The following WDFY4 variants were observed in gnomAD, a reference collection of about 807,000 sequenced individuals.
WDFY4 encodes WDFY family member 4.
In WDFY4, 169 loss-of-function variants were observed where a neutral mutation model predicts 351.9. That is an observed-to-expected ratio of 0.48 (90% CI 0.42 to 0.55). The LOEUF is 0.55. Among genes scored for constraint, WDFY4 ranks in the 20% least tolerant of loss-of-function variants. WDFY4 has a pLI of 0.00. For synonymous variants in WDFY4, 1,622 were observed against 1,574.6 expected (o/e 1.03, Z -0.71); for missense variants, 3,803 against 3,935.6 (o/e 0.97, Z 0.90).
chr10:48,974,553 C>T (rs75814722), intron 57 of WDFY4, among the ~76,000 whole-genome samples: 1,452 of 109,588 alleles, frequency 0.013, 87 homozygotes, highest in African/African-American at 0.045. Flanking sequence ...GAACTGCTCC[C>T]GGGTTCAAGA....
At chr10:48,711,752 G>A (rs755014924) in intron 2 of WDFY4, among the ~76,000 whole-genome samples, 4 of 152,208 alleles carry the variant, frequency 2.6e-5, no homozygotes, top group Non-Finnish European at 4.4e-5. Flanking sequence ...AGAGCAGACG[G>A]CATCGAATAG....
intron 13 of WDFY4, among the ~76,000 whole-genome samples, chr10:48,768,723 A>AGAGAGAGAGAGAG (rs1555000834): frequency 2.9e-4 from 41 of 141,070 alleles, no homozygotes; most frequent in African/African-American, 9.9e-4. Flanking sequence ...GGGAGAGGAG[A>AGAGAGAGAGAGAG]AGAGAGAGAG....
At position 48,946,124 on chromosome 10, in the gene WDFY4, A is replaced by T; in HGVS notation, c.7834A>T (p.Ile2612Phe). 6.5e-7 allele frequency: 1 copy of T among 1,549,768 alleles called. No homozygotes were observed. The highest frequency in any genetic ancestry group is 8.7e-7 in the Non-Finnish European group (1 of 1,146,508). Residue 2612 changes from isoleucine (I) to phenylalanine (F), a missense_variant, in exon 50 of 62, where the codon ATC becomes TTC. Transcript: ENST00000325239. Reference sequence around the variant, plus strand: ...GACCAAGGAAAGGAAGCTGAAATTTATCCAGAGGTTTAAAGAAGTTGAGAA... The same window carrying T: ...GACCAAGGAAAGGAAGCTGAAATTTTTCCAGAGGTTTAAAGAAGTTGAGAA... ...AQTKERKLKF[I>F]QRFKEVEKTE...
At position 48,974,527 on chromosome 10, in the gene WDFY4, A is replaced by AAAAAAAAAAAAAAAC; in HGVS notation, c.8929-333_8929-332insAAAAAAAAAAAACAA. Among the ~76,000 whole-genome samples the AAAAAAAAAAAAAAAC allele has an allele frequency of 5.6e-4, 13 of 23,146 alleles. 3 individuals carry two copies. Among genetic ancestry groups the AAAAAAAAAAAAAAAC allele is most frequent in the African/African-American group, 9.5e-4 (13 of 13,750 alleles). The allele number at this position is 23,146 out of a possible 152,430, so 15.2% of individuals were successfully genotyped here. ...CAAAAAAAAAAAAAAAAAAAAAAAA[A>AAAAAAAAAAAAAAAC]AACAACTCATGACATGAACTGCTCC... On this transcript the variant is annotated intron_variant, in intron 57 of 61. Transcript: ENST00000325239.
rs572552666 is a variant in WDFY4 at position 48,714,869 on chromosome 10, G to T, written c.234+4903G>T. On this transcript the variant is annotated intron_variant, in intron 2 of 61. Coordinates refer to ENST00000325239, the MANE Select transcript of WDFY4 (RefSeq NM_001394531.1). ...GTGGTAGATTAGAGGTGCTGTGAAT[G>T]GGCTCACACTCCTCCCTTCAAGAGG... 4.6e-5 allele frequency among the ~76,000 whole-genome samples: 7 copies of T among 152,288 alleles called. 1 individual carries two copies. In the South Asian group the frequency reaches 1.5e-3, roughly 32 times the overall value.
intron 24 of WDFY4, among the ~76,000 whole-genome samples, chr10:48,798,880 C>T (rs1056165337): frequency 1.3e-5 from 2 of 152,178 alleles, no homozygotes; most frequent in African/African-American, 2.4e-5. Flanking sequence ...ATGTCCTGGT[C>T]CTGGATCTGA....
intron 41 of WDFY4, among the ~76,000 whole-genome samples, chr10:48,874,565 A>T (rs1448189541): frequency 6.6e-6 from 1 of 152,198 alleles, no homozygotes; most frequent in Non-Finnish European, 1.5e-5. Flanking sequence ...TATTCAGTAG[A>T]TACTTAAATT....
intron 39 of WDFY4, among the ~76,000 whole-genome samples, chr10:48,861,050 T>C (rs576026251): frequency 2.5e-4 from 38 of 152,296 alleles, no homozygotes; most frequent in African/African-American, 8.2e-4. Flanking sequence ...AATTTTCATT[T>C]ATTTATTGTG....
intron 39 of WDFY4, among the ~76,000 whole-genome samples, chr10:48,836,742 CT>C (rs1293503356): frequency 6.6e-6 from 1 of 152,208 alleles, no homozygotes; most frequent in African/African-American, 2.4e-5. Context: ...CACCCACTAT[CT>C]CTAGAAGGCT....
At chr10:48,959,101 T>C (rs1841740282) in intron 52 of WDFY4, among the ~76,000 whole-genome samples, 2 of 152,132 alleles carry the variant, frequency 1.3e-5, no homozygotes, top group Non-Finnish European at 2.9e-5. Context: ...AGGTGGAAAA[T>C]GAATCTCAAA....
intron 32 of WDFY4, among the ~76,000 whole-genome samples, chr10:48,818,793 T>G (rs2067709123): frequency 6.6e-6 from 1 of 152,204 alleles, no homozygotes. Context: ...ATCAAGTAAC[T>G]TACTAAAAAA....
intron 12 of WDFY4, among the ~76,000 whole-genome samples, chr10:48,754,948 A>G (rs543780018): frequency 3.9e-5 from 6 of 152,264 alleles, no homozygotes; most frequent in African/African-American, 9.6e-5. Flanking sequence ...TTCAATTCAC[A>G]TGAAGTAAAA....
intron 24 of WDFY4, chr10:48,801,635 G>A: frequency 2.6e-6 from 1 of 381,304 alleles, no homozygotes; most frequent in South Asian, 1.8e-5. Context: ...GCTTAAAAAA[G>A]CAGGAAATCT....
chr10:48,950,385 G>A (rs1417157459), intron 51 of WDFY4, among the ~76,000 whole-genome samples: 3 of 152,240 alleles, frequency 2.0e-5, no homozygotes, highest in African/African-American at 7.2e-5. Context: ...TCCTACGGCT[G>A]AGTCTGCGCC....
In WDFY4 at chr10:48,946,131, G is replaced by T; in HGVS notation, c.7841G>T (p.Arg2614Met). Residue 2614 changes from arginine to methionine, a missense_variant, in exon 50 of 62, where the codon AGG (arginine) becomes ATG (methionine). Coordinates refer to ENST00000325239, the MANE Select transcript of WDFY4 (RefSeq NM_001394531.1). ...GAAAGGAAGCTGAAATTTATCCAGA[G>T]GTTTAAAGAAGTTGAGAAAACTGAA... The part of the protein sequence containing the change: ...TKERKLKFIQ[R>M]FKEVEKTEGD... 1 of 1,549,506 alleles carries T rather than the reference G, an allele frequency of 6.5e-7. No individual in the cohort carries two copies. The highest frequency in any genetic ancestry group is 8.7e-7 in the Non-Finnish European group (1 of 1,146,404).
Position 48,759,117 on chromosome 10 carries a change from C to G in WDFY4, c.2460-1230C>G, listed in dbSNP as rs181005087. 1.2e-4 allele frequency among the ~76,000 whole-genome samples: 19 copies of G among 152,266 alleles called. No homozygotes were observed. In the East Asian group the frequency reaches 3.3e-3, roughly 26 times the overall value. Reference sequence around the variant, plus strand: ...AGTTTCTGCCCATCTTCCCTGGACTCTCTGGTTCCAGTATCAGTTCAGTTT... The same window carrying G: ...AGTTTCTGCCCATCTTCCCTGGACTGTCTGGTTCCAGTATCAGTTCAGTTT... On this transcript the variant is annotated intron_variant, in intron 12 of 61. Coordinates refer to ENST00000325239, the MANE Select transcript of WDFY4 (RefSeq NM_001394531.1).
intron 58 of WDFY4, 84 bp downstream of exon 58, chr10:48,975,125 A>G: frequency 6.5e-7 from 1 of 1,531,780 alleles, no homozygotes; most frequent in Non-Finnish European, 8.8e-7. Context: ...CCAGAGACAC[A>G]GAGACTCTAG....
rs747232232 is a variant in WDFY4, at chr10:48,811,679, C to A, written c.5185C>A (p.Pro1729Thr). The change falls in exon 30 of 62, where the codon CCA (proline) becomes ACA (threonine). Residue 1729 changes from proline to threonine, a missense_variant. Physicochemically the swap from Pro to Thr is conservative, Grantham distance 38. This residue lies in a region of WDFY4 where 3,054 missense variants were observed against 3,148.6 expected (regional missense o/e 0.97). Transcript: ENST00000325239. ...CGTCTCCACCTTCTTCCTGCAGACACCACTCACAGAGCTGATGGACGGGCC... is the reference window on the plus strand; with the variant it reads ...CGTCTCCACCTTCTTCCTGCAGACAACACTCACAGAGCTGATGGACGGGCC... Reference protein sequence around the residue: ...LIVSTFFLQTPLTELMDGPKD... With the variant: ...LIVSTFFLQTTLTELMDGPKD... 1 of 1,551,788 alleles carries A rather than the reference C, an allele frequency of 6.4e-7. No individual in the cohort carries two copies. The highest frequency in any genetic ancestry group is 1.2e-5 in the South Asian group (1 of 84,062).
At chr10:48,975,999 G>A (rs1359607261) in intron 58 of WDFY4, among the ~76,000 whole-genome samples, 1 of 152,200 alleles carries the variant, frequency 6.6e-6, no homozygotes, top group Admixed American at 6.5e-5. Flanking sequence ...AGACCCCAGA[G>A]AAGCCTGGCA....
Sources: gnomAD v4.1 joint callset for allele counts (sites outside exome capture counted in the v4.1 genomes callset) on GRCh38, gnomAD v4.1.1 for gene constraint, gnomAD v4.1.1 regional missense constraint, MANE v1.5 for transcripts, NCBI Gene and HGNC (gene_info 2026-07-23, HGNC 2026-07-21) for gene names.